LYST: variants seen among roughly 807,000 people sequenced by gnomAD.
LYST encodes the protein lysosomal trafficking regulator, also known as lysosomal-trafficking regulator.
In LYST, 192 loss-of-function variants were observed where a neutral mutation model predicts 413.6. The observed-to-expected ratio is 0.46, with a 90% confidence interval of 0.41 to 0.52. LYST has a LOEUF of 0.52. Ranked by LOEUF, LYST falls within the 20% of genes least tolerant of loss-of-function variation. The pLI is 0.00. For synonymous variants in LYST, 1,525 were observed against 1,567.3 expected (o/e 0.97, Z 0.64); for missense variants, 3,815 against 4,499.9 (o/e 0.85, Z 4.35).
intron 50 of LYST, among the ~76,000 whole-genome samples, chr1:235,667,751 C>T (rs966069873): frequency 2.0e-5 from 3 of 151,996 alleles, no homozygotes; most frequent in Non-Finnish European, 4.4e-5. Flanking sequence ...ACTGCAACCT[C>T]CGCTTCCTTC....
At chr1:235,738,881 G>A (rs1361873862) in intron 31 of LYST, 5 of 749,460 alleles carry the variant, frequency 6.7e-6, no homozygotes, top group Non-Finnish European at 1.0e-5. Flanking sequence ...TCTTGGGAGA[G>A]AATGGAATCT....
rs368394921 is a variant in LYST, at chr1:235,664,584, G to T, written c.11076C>A (p.Asn3692Lys). The T allele has an allele frequency of 6.2e-7, 1 of 1,614,084 alleles. No individual in the cohort carries two copies. Among genetic ancestry groups the T allele is most frequent in the Admixed American group, 1.7e-5 (1 of 60,006 alleles). Residue 3692 changes from asparagine (N) to lysine (K), a missense_variant, in exon 51 of 53, where the codon AAC becomes AAA. By Grantham distance (94) the Asn-to-Lys change is moderately conservative. Transcript: ENST00000389793. This position sits in a 1 kb window ranked among gnomAD's most constrained non-coding sequence, Gnocchi z 4.5. ...AGTGGACATGTCCAACGAGATCCCC[G>T]TTCACCGTCCAGAGTCTGAGGTCAC... ...GGSDLRLWTV[N>K]GDLVGHVHCR...
intron 47 of LYST, among the ~76,000 whole-genome samples, chr1:235,693,054 A>C: frequency 6.8e-6 from 1 of 147,962 alleles, no homozygotes; most frequent in South Asian, 2.2e-4. Flanking sequence ...GGTGGCTCAC[A>C]CCTGTAATCC....
rs1242080100 is a variant in LYST at position 235,662,787 on chromosome 1, C to T, written c.*153G>A. The T allele has an allele frequency of 1.3e-6, 1 of 752,040 alleles. No homozygotes were observed. Among genetic ancestry groups the T allele is most frequent in the Non-Finnish European group, 2.4e-6 (1 of 408,916 alleles). The allele number at this position is 752,040 out of a possible 1,614,324, so 46.6% of individuals were successfully genotyped here. ...ACTTTCCTCTTAGGATCATGTGACT[C>T]TTCAGAATTTTGTGCAGATGAATAG... is the stretch of plus-strand genomic sequence containing the variant. On this transcript the variant is annotated 3_prime_UTR_variant, in exon 53 of 53. Transcript: ENST00000389793.
At chr1:235,794,644 A>T (rs1156612043) in intron 10 of LYST, among the ~76,000 whole-genome samples, 2 of 152,232 alleles carry the variant, frequency 1.3e-5, no homozygotes, top group African/African-American at 4.8e-5. Context: ...GAAGACCTGG[A>T]GTTTAGAGAA....
chr1:235,800,200 T>G (rs1437682583), intron 10 of LYST, 120 bp downstream of exon 10: 2 of 698,066 alleles, frequency 2.9e-6, no homozygotes, highest in African/African-American at 1.8e-5. Context: ...GCCTGCCACC[T>G]CAGCCTCCCA....
At chr1:235,765,085 C>T (rs1338269207) in intron 21 of LYST, among the ~76,000 whole-genome samples, 1 of 152,176 alleles carries the variant, frequency 6.6e-6, no homozygotes, top group Admixed American at 6.5e-5. Context: ...CTTCACCTCA[C>T]TTCTATGTGG....
chr1:235,766,316 T>C (rs751122488), intron 20 of LYST, 39 bp from the exon 21 acceptor site: 15 of 1,468,508 alleles, frequency 1.0e-5, no homozygotes, highest in Non-Finnish European at 1.3e-5. Flanking sequence ...ATTTAAAGAA[T>C]TGTCAACTTA....
chr1:235,710,387 A>G (rs1280767204), intron 43 of LYST, among the ~76,000 whole-genome samples: 1 of 152,060 alleles, frequency 6.6e-6, no homozygotes, highest in African/African-American at 2.4e-5. Context: ...CAGCAGCAGG[A>G]ACTTATTTAT....
intron 11 of LYST, among the ~76,000 whole-genome samples, chr1:235,792,956 G>A (rs780479089): frequency 7.2e-5 from 11 of 152,120 alleles, no homozygotes; most frequent in Non-Finnish European, 1.2e-4. Flanking sequence ...GAGCCATGGC[G>A]CCCTGCCTTA....
At chr1:235,801,300 C>A (rs889813361) in intron 8 of LYST, among the ~76,000 whole-genome samples, 1 of 151,902 alleles carries the variant, frequency 6.6e-6, no homozygotes, top group African/African-American at 2.4e-5. Context: ...AAGCAATTTT[C>A]ATCTTCAATA....
chr1:235,878,754 C>CA (rs1681245871), intron 1 of LYST, among the ~76,000 whole-genome samples: 1 of 152,168 alleles, frequency 6.6e-6, no homozygotes, highest in African/African-American at 2.4e-5. Context: ...TGATGGGATA[C>CA]AGACAACACC....
upstream of LYST, among the ~76,000 whole-genome samples, chr1:235,870,428 C>A (rs1475773354): frequency 1.3e-5 from 2 of 152,210 alleles, no homozygotes; most frequent in African/African-American, 4.8e-5. Flanking sequence ...TACCTCACTT[C>A]CATTTTCTGT....
intron 1 of LYST, among the ~76,000 whole-genome samples, chr1:235,874,303 A>C (rs927702546): frequency 6.6e-6 from 1 of 152,230 alleles, no homozygotes. Flanking sequence ...TATTTTCTGT[A>C]TACTTGCAAT....
chr1:235,722,304 GA>G (rs1211499785), intron 39 of LYST, among the ~76,000 whole-genome samples: 4 of 152,186 alleles, frequency 2.6e-5, no homozygotes, highest in African/African-American at 9.7e-5. Flanking sequence ...GAAGGATTCT[GA>G]GCAGAGAAAA....
At chr1:235,811,216 C>G (rs1003419104) in intron 4 of LYST, among the ~76,000 whole-genome samples, 1 of 152,162 alleles carries the variant, frequency 6.6e-6, no homozygotes, top group African/African-American at 2.4e-5. Context: ...ATATTATATT[C>G]TAACTTCAAC....
intron 3 of LYST, among the ~76,000 whole-genome samples, chr1:235,828,449 A>G (rs945632802): frequency 6.6e-6 from 1 of 152,186 alleles, no homozygotes; most frequent in African/African-American, 2.4e-5. Flanking sequence ...CAATAATGTT[A>G]TTTTTAATAA....
intron 39 of LYST, among the ~76,000 whole-genome samples, chr1:235,721,423 TATAA>T (rs2103164139): frequency 6.6e-6 from 1 of 152,310 alleles, no homozygotes; most frequent in South Asian, 2.1e-4. Flanking sequence ...TGAAAACATA[TATAA>T]ACTCTTTTTT....
At chr1:235,857,794 T>C (rs1378729508) in intron 1 of LYST, among the ~76,000 whole-genome samples, 1 of 146,900 alleles carries the variant, frequency 6.8e-6, no homozygotes, top group East Asian at 2.0e-4. Flanking sequence ...CATATATATA[T>C]AAAATTTCAC....
Sources: allele counts gnomAD v4.1 joint callset (sites outside exome capture counted in the v4.1 genomes callset), GRCh38; gene constraint gnomAD v4.1.1; non-coding constraint Gnocchi (gnomAD v3.1); transcripts MANE v1.5; gene names NCBI Gene and HGNC (gene_info 2026-07-23, HGNC 2026-07-21).